ENPP3: variants seen among roughly 807,000 people sequenced by gnomAD.
The protein encoded by ENPP3 is ectonucleotide pyrophosphatase/phosphodiesterase 3, also known as ectonucleotide pyrophosphatase/phosphodiesterase family member 3.
A neutral mutation model predicts 117.8 loss-of-function variants in ENPP3; 104 were observed. The ratio of observed to expected loss-of-function variants is 0.88; its 90% confidence interval spans 0.75 to 1.04. The LOEUF (loss-of-function observed/expected upper bound fraction) is 1.04, where lower values mean the gene tolerates loss of function less well. Among genes scored for constraint, ENPP3 ranks in the 50% least tolerant of loss-of-function variants. The pLI is 0.00. For missense variants in ENPP3, 1,026 were observed against 1,051.9 expected, an observed-to-expected ratio of 0.98 and a Z score of 0.34; for synonymous variants, 380 against 349.9, an observed-to-expected ratio of 1.09 and a Z score of -0.96.
At chr6:131,645,583 C>T (rs1778137580) in intron 2 of ENPP3, among the ~76,000 whole-genome samples, 1 of 152,094 alleles carries the variant, frequency 6.6e-6, no homozygotes, top group African/African-American at 2.4e-5. Flanking sequence ...TGATAGCTTC[C>T]TAAAACAGGA....
intron 8 of ENPP3, 35 bp downstream of exon 8, chr6:131,674,316 C>T: frequency 6.2e-7 from 1 of 1,605,358 alleles, no homozygotes; most frequent in South Asian, 1.1e-5. Flanking sequence ...ACTGAAGTAA[C>T]CTCCATTTCT....
At chr6:131,728,645 C>A (rs904693375) in intron 20 of ENPP3, among the ~76,000 whole-genome samples, 1 of 152,148 alleles carries the variant, frequency 6.6e-6, no homozygotes, top group Non-Finnish European at 1.5e-5. Flanking sequence ...TGTAAATCAG[C>A]TCTGTGTTTC....
chr6:131,670,638 G>A (rs567600747), intron 6 of ENPP3, among the ~76,000 whole-genome samples: 2 of 152,220 alleles, frequency 1.3e-5, no homozygotes, highest in South Asian at 2.1e-4. Context: ...CTACACAGGT[G>A]CATGCCACCA....
At chr6:131,730,942 C>T (rs1047398900) in intron 20 of ENPP3, among the ~76,000 whole-genome samples, 16 of 151,654 alleles carry the variant, frequency 1.1e-4, no homozygotes, top group Non-Finnish European at 1.5e-5. Context: ...ATTAGACTTC[C>T]TGGGCTGATT....
At chr6:131,666,685 C>G (rs948222612) in intron 6 of ENPP3, among the ~76,000 whole-genome samples, 1 of 152,204 alleles carries the variant, frequency 6.6e-6, no homozygotes, top group African/African-American at 2.4e-5. Flanking sequence ...TTTGAAATGT[C>G]TGTTAGGAAA....
intron 24 of ENPP3, among the ~76,000 whole-genome samples, chr6:131,740,926 A>G (rs1424478169): frequency 6.6e-6 from 1 of 152,156 alleles, no homozygotes; most frequent in East Asian, 1.9e-4. Context: ...TATTCTGGCC[A>G]CAAATCTTAA....
Position 131,743,459 on chromosome 6 carries a change from T to G in ENPP3, c.2457+3079T>G, listed in dbSNP as rs189230912. 3.9e-5 allele frequency among the ~76,000 whole-genome samples: 6 copies of G among 152,214 alleles called. No individual in the cohort carries two copies. The East Asian group carries it at 1.2e-3, about 29-fold the overall frequency. On this transcript the variant is annotated intron_variant, in intron 24 of 24. Coordinates refer to ENST00000357639, the MANE Select transcript of ENPP3 (RefSeq NM_005021.5). ...TGTAAAGATTAAACAAAATAATCTA[T>G]ATAAAACCCTAAGACTTCCCAATAT...
intron 6 of ENPP3, among the ~76,000 whole-genome samples, chr6:131,669,052 C>T (rs780650563): frequency 6.6e-6 from 1 of 152,122 alleles, no homozygotes; most frequent in African/African-American, 2.4e-5. Flanking sequence ...TATCCTCTAG[C>T]TTTACCCATT....
intron 24 of ENPP3, among the ~76,000 whole-genome samples, chr6:131,744,802 T>TACACACACACACAC: frequency 6.8e-6 from 1 of 146,868 alleles, no homozygotes; most frequent in Admixed American, 6.9e-5. Flanking sequence ...AGGTCATTTA[T>TACACACACACACAC]ACACACACAC....
chr6:131,685,119 A>G (rs1322844173), intron 12 of ENPP3, among the ~76,000 whole-genome samples: 4 of 152,210 alleles, frequency 2.6e-5, no homozygotes, highest in African/African-American at 7.2e-5. Context: ...GGTTATTTCC[A>G]TTAATCTATT....
At chr6:131,672,586 G>A (rs1232697928) in intron 7 of ENPP3, among the ~76,000 whole-genome samples, 2 of 151,966 alleles carry the variant, frequency 1.3e-5, no homozygotes, top group Non-Finnish European at 2.9e-5. Flanking sequence ...TTTCCTAGGA[G>A]CAATGGTTCA....
intron 15 of ENPP3, chr6:131,701,376 C>A (rs2527384): frequency 2.5e-6 from 4 of 1,613,928 alleles, no homozygotes; most frequent in Admixed American, 3.3e-5. Context: ...GAGGAACTCT[C>A]TGATGGATGT....
chr6:131,639,337 GGCATGATCATGGCTTGCT>G (rs1777996322), intron 1 of ENPP3, among the ~76,000 whole-genome samples: 2 of 146,046 alleles, frequency 1.4e-5, no homozygotes, highest in Admixed American at 1.4e-4. Flanking sequence ...GGAAGACAGT[GGCATGATCATGGCTTGCT>G]GCAGCAACTC....
chr6:131,679,945 A>G (rs1778987234), intron 11 of ENPP3, among the ~76,000 whole-genome samples: 1 of 152,216 alleles, frequency 6.6e-6, no homozygotes, highest in African/African-American at 2.4e-5. Context: ...GAAGAGGGCT[A>G]AGAGGAAGCC....
chr6:131,730,028 C>T (rs1342170329), intron 20 of ENPP3, among the ~76,000 whole-genome samples: 3 of 152,206 alleles, frequency 2.0e-5, no homozygotes, highest in East Asian at 1.9e-4. Flanking sequence ...AAACTTTCTT[C>T]GTTAACATTT....
chr6:131,740,607 T>C (rs1478398758), intron 24 of ENPP3, among the ~76,000 whole-genome samples: 5 of 152,212 alleles, frequency 3.3e-5, no homozygotes, highest in Non-Finnish European at 7.3e-5. Context: ...ACCCCATGTA[T>C]TTTATTTATA....
intron 16 of ENPP3, among the ~76,000 whole-genome samples, chr6:131,719,223 G>A (rs887234831): frequency 5.3e-5 from 8 of 151,844 alleles, no homozygotes; most frequent in Admixed American, 2.0e-4. Context: ...AAAAGAATTC[G>A]CCTTACAAAT....
At chr6:131,660,293 A>G (rs906273334) in intron 6 of ENPP3, among the ~76,000 whole-genome samples, 1 of 152,206 alleles carries the variant, frequency 6.6e-6, no homozygotes, top group African/African-American at 2.4e-5. Context: ...CCCCATCTCT[A>G]GGGTTTCATC....
chr6:131,746,657 C>A, intron 24 of ENPP3, 129 bp from the exon 25 acceptor site: 1 of 672,704 alleles, frequency 1.5e-6, no homozygotes, highest in East Asian at 3.0e-5. Context: ...CTAAATTTAG[C>A]TGTATCAAAT....
Sources: allele counts gnomAD v4.1 joint callset (sites outside exome capture counted in the v4.1 genomes callset), GRCh38; gene constraint gnomAD v4.1.1; transcripts MANE v1.5; gene names NCBI Gene and HGNC (gene_info 2026-07-23, HGNC 2026-07-21).